Variants in ELF2 observed in about 807,000 individuals in gnomAD.
The protein encoded by ELF2 is ETS-related transcription factor Elf-2.
Under a neutral mutation model 54.8 loss-of-function variants are expected in ELF2, and 11 were observed. The observed-to-expected ratio is 0.20, with a 90% confidence interval of 0.13 to 0.33. The LOEUF (loss-of-function observed/expected upper bound fraction) is 0.33, where lower values mean the gene tolerates loss of function less well. ELF2 is among the 10% of genes least tolerant of loss of function. The pLI, the probability that ELF2 is intolerant of heterozygous loss-of-function variation, is 1.00. For missense variants in ELF2, 513 were observed against 703.0 expected, an observed-to-expected ratio of 0.73 and a Z score of 3.06; for synonymous variants, 203 against 245.1, an observed-to-expected ratio of 0.83 and a Z score of 1.61.
At chr4:139,114,596 C>CACA (rs1560826314) in intron 4 of ELF2, among the ~76,000 whole-genome samples, 3 of 146,852 alleles carry the variant, frequency 2.0e-5, no homozygotes, top group African/African-American at 5.0e-5. Context: ...CACACACACA[C>CACA]AATTTAGGAG....
Position 139,063,917 on chromosome 4 carries a change from G to A in ELF2, c.614-1860C>T, listed in dbSNP as rs748728883. ...TCACACTTTTTTCTCCCTTATTATG[G>A]AGGAGAGAGTAGTAGGCAGCGGTCA... On this transcript the variant is annotated intron_variant, in intron 7 of 9. Transcript: ENST00000686138. 2.0e-4 allele frequency among the ~76,000 whole-genome samples: 30 copies of A among 152,030 alleles called. 1 individual carries two copies. Among genetic ancestry groups the A allele is most frequent in the Middle Eastern group, 3.2e-3 (1 of 314 alleles).
At chr4:139,165,929 A>G (rs1468719359) in intron 1 of ELF2, among the ~76,000 whole-genome samples, 4 of 152,248 alleles carry the variant, frequency 2.6e-5, no homozygotes, top group Non-Finnish European at 5.9e-5. Flanking sequence ...ATTCTAGTAT[A>G]TATTACATGC....
intron 1 of ELF2, among the ~76,000 whole-genome samples, chr4:139,161,553 A>C (rs947327982): frequency 6.8e-6 from 1 of 146,976 alleles, no homozygotes; most frequent in Non-Finnish European, 1.5e-5. Flanking sequence ...AACATCTGAT[A>C]TTCTTAGGCT....
chr4:139,114,638 C>CTT (rs1320257893), intron 4 of ELF2, among the ~76,000 whole-genome samples: 4 of 56,168 alleles, frequency 7.1e-5, no homozygotes, highest in Admixed American at 4.3e-4. Flanking sequence ...TTTTTTTTTT[C>CTT]TTTCTTTTTT....
chr4:139,115,617 G>C (rs1027931807), intron 4 of ELF2, among the ~76,000 whole-genome samples: 4 of 151,992 alleles, frequency 2.6e-5, no homozygotes, highest in Non-Finnish European at 5.9e-5. Flanking sequence ...CCCAGTAAAT[G>C]AGAGTTTCAG....
chr4:139,170,539 G>A (rs1449909903), intron 1 of ELF2, among the ~76,000 whole-genome samples: 1 of 151,102 alleles, frequency 6.6e-6, no homozygotes, highest in Non-Finnish European at 1.5e-5. Context: ...TGGGATTACA[G>A]GTGTGAGCCA....
In ELF2 at chr4:139,084,447, C is replaced by CGGCAGGGGCAGG; in HGVS notation, c.239-10881_239-10880insCCTGCCCCTGCC. The CGGCAGGGGCAGG allele has an allele frequency of 3.5e-6, 4 of 1,142,072 alleles. No homozygotes were observed. In the South Asian group the frequency reaches 1.4e-4, roughly 41 times the overall value. The allele number at this position is 1,142,072 out of a possible 1,614,324, so 70.7% of individuals were successfully genotyped here. A position where few individuals can be genotyped will look rare whatever the true frequency, so the allele number is the denominator to read the frequency against. On this transcript the variant is annotated intron_variant, in intron 4 of 9. Transcript: ENST00000686138. ...GGGGCGGCAGGGGCAGGGGCGGCGG[C>CGGCAGGGGCAGG]GGCGGCGGCGGCGGCTGTGGCTGTG...
intron 8 of ELF2, among the ~76,000 whole-genome samples, chr4:139,061,073 G>C (rs868705492): frequency 2.6e-5 from 4 of 152,158 alleles, no homozygotes; most frequent in Middle Eastern, 6.8e-3. Context: ...GTAGAGATAT[G>C]TGAATACTGT....
chr4:139,133,191 G>C (rs1737728394), intron 3 of ELF2, among the ~76,000 whole-genome samples: 1 of 152,148 alleles, frequency 6.6e-6, no homozygotes, highest in Non-Finnish European at 1.5e-5. Flanking sequence ...AAAATGCTGG[G>C]ATTACAGGCG....
At chr4:139,086,132 T>C (rs1307097078) in intron 4 of ELF2, among the ~76,000 whole-genome samples, 2 of 152,172 alleles carry the variant, frequency 1.3e-5, no homozygotes, top group Non-Finnish European at 2.9e-5. Flanking sequence ...TTTTTTTTAA[T>C]GTCAAAGGTA....
At chr4:139,162,410 A>G (rs1283897335) in intron 1 of ELF2, among the ~76,000 whole-genome samples, 1 of 151,870 alleles carries the variant, frequency 6.6e-6, no homozygotes, top group East Asian at 1.9e-4. Context: ...GGGTGCCTGT[A>G]ATCCCAGCTA....
chr4:139,065,202 T>C (rs952460434), intron 7 of ELF2, among the ~76,000 whole-genome samples: 1 of 152,160 alleles, frequency 6.6e-6, no homozygotes, highest in Non-Finnish European at 1.5e-5. Flanking sequence ...ACTGCACCCA[T>C]GTTGCCATCC....
chr4:139,128,974 C>T (rs544362095), intron 3 of ELF2, among the ~76,000 whole-genome samples: 233 of 150,202 alleles, frequency 1.6e-3, no homozygotes, highest in Non-Finnish European at 2.7e-3. Flanking sequence ...GAGTTTCGCT[C>T]GTTGCCCAGG....
intron 4 of ELF2, among the ~76,000 whole-genome samples, chr4:139,095,033 G>A (rs1386134326): frequency 1.3e-5 from 2 of 151,902 alleles, no homozygotes; most frequent in Admixed American, 1.3e-4. Context: ...TAAGTCATCT[G>A]TAAATAATAA....
At chr4:139,157,653 C>T (rs542710066) in intron 1 of ELF2, among the ~76,000 whole-genome samples, 1 of 152,292 alleles carries the variant, frequency 6.6e-6, no homozygotes, top group African/African-American at 2.4e-5. Context: ...ATCCTCCCAT[C>T]TCAGCCTCCC....
intron 4 of ELF2, among the ~76,000 whole-genome samples, chr4:139,078,006 G>C (rs1373726419): frequency 1.3e-5 from 2 of 152,124 alleles, no homozygotes; most frequent in East Asian, 1.9e-4. Context: ...TTTTATTACA[G>C]TACCAAAAAT....
Position 139,092,235 on chromosome 4 carries a change from G to A in ELF2, c.239-18668C>T, listed in dbSNP as rs539039280. ...AAATTAGCTGGGCGTGGTGGCAGGC[G>A]ACTTAATCCCAGCTATTTGGGAGGC... On this transcript the variant is annotated intron_variant, in intron 4 of 9. Coordinates refer to ENST00000686138, the MANE Select transcript of ELF2 (RefSeq NM_001331036.3). Among the ~76,000 whole-genome samples the A allele has an allele frequency of 3.3e-5, 5 of 151,122 alleles. No homozygotes were observed. The East Asian group carries it at 7.8e-4, about 24-fold the overall frequency.
At chr4:139,114,635 TTTC>T (rs1735388139) in intron 4 of ELF2, among the ~76,000 whole-genome samples, 2 of 61,310 alleles carry the variant, frequency 3.3e-5, no homozygotes, top group South Asian at 5.8e-4. Context: ...GGATTTTTTT[TTTC>T]TTTCTTTTTT....
intron 4 of ELF2, among the ~76,000 whole-genome samples, chr4:139,085,285 G>A (rs1333932894): frequency 2.0e-5 from 3 of 152,108 alleles, no homozygotes; most frequent in Non-Finnish European, 4.4e-5. Context: ...TACATAAATT[G>A]TTTGAAACAA....
Sources: gnomAD v4.1 joint callset for allele counts (sites outside exome capture counted in the v4.1 genomes callset) on GRCh38, gnomAD v4.1.1 for gene constraint, MANE v1.5 for transcripts, NCBI Gene and HGNC (gene_info 2026-07-23, HGNC 2026-07-21) for gene names.